Variants in MAMLD1 observed in about 807,000 individuals in gnomAD.
MAMLD1 encodes mastermind like domain containing 1.
Under a neutral mutation model 45.0 loss-of-function variants are expected in MAMLD1, and 14 were observed. The observed-to-expected ratio is 0.31, with a 90% CI of 0.21 to 0.49. The LOEUF is 0.49. Ranked by LOEUF, MAMLD1 falls within the 20% of genes least tolerant of loss-of-function variation. The probability of loss-of-function intolerance (pLI) is 0.99; values close to 1 mark genes in which losing one functional copy is unlikely to be tolerated. For missense variants in MAMLD1, 543 were observed against 603.6 expected, an observed-to-expected ratio of 0.90 and a Z score of 1.05; for synonymous variants, 254 against 247.8, an observed-to-expected ratio of 1.02 and a Z score of -0.24.
At chrX:150,467,314 T>C (rs782691767) in intron 3 of MAMLD1, among the ~76,000 whole-genome samples, 8 of 112,037 alleles carry the variant, frequency 7.1e-5, no homozygotes, top group Non-Finnish European at 1.3e-4. Context: ...GGGTAATTTA[T>C]GTTCCTTTGT....
Position 150,412,670 on chromosome X carries a change from G to A in MAMLD1, c.-63-32784G>A, listed in dbSNP as rs188943828. Among the ~76,000 whole-genome samples, 541 of 109,507 alleles carry A rather than the reference G, an allele frequency of 4.9e-3. 2 individuals carry two copies. Among genetic ancestry groups the A allele is most frequent in the African/African-American group, 0.017 (519 of 30,004 alleles). On this transcript the variant is annotated intron_variant, in intron 1 of 7. Transcript: ENST00000370401. ...TTTATTTCCTCGCCCTCTCTTCCCC[G>A]CCCCATCCATAAACAGCCTTACGAG...
chrX:150,503,422 C>T lies in MAMLD1; in HGVS notation c.2189C>T (p.Ser730Leu), dbSNP rs2037625201. 5 of 1,212,138 alleles carry T rather than the reference C, an allele frequency of 4.1e-6. No homozygotes were observed. Among genetic ancestry groups the T allele is most frequent in the South Asian group, 1.8e-5 (1 of 57,026 alleles). ...FAHELARVTS[S>L]YSTSEAAPWG... ...CATGAGCTGGCCCGAGTCACCTCCT[C>T]GTACAGCACCTCAGAGGCAGCGCCC... Residue 730 changes from serine to leucine, a missense_variant, in exon 6 of 8, where the codon TCG (serine) becomes TTG (leucine). Ser to Leu is a moderately radical substitution (Grantham distance 145, BLOSUM62 -2). Transcript: ENST00000370401.
rs782546425 is a variant in MAMLD1, at chrX:150,405,657, G to A, written c.-63-39797G>A. On this transcript the variant is annotated intron_variant, in intron 1 of 7. Coordinates refer to ENST00000370401, the MANE Select transcript of MAMLD1 (RefSeq NM_005491.5). ...GGTTGTGATGTTATATGTTTTCCAC[G>A]CTTTGAGCACTTACTGTTTTTTACA... Among the ~76,000 whole-genome samples the A allele has an allele frequency of 2.3e-4, 26 of 111,797 alleles. No individual in the cohort carries two copies. The Admixed American group carries it at 2.4e-3, about 10-fold the overall frequency.
chrX:150,370,341 C>T (rs1345969948), intron 1 of MAMLD1, among the ~76,000 whole-genome samples: 5 of 111,738 alleles, frequency 4.5e-5, no homozygotes, highest in East Asian at 5.6e-4. Flanking sequence ...TTCAGTACTT[C>T]GAGGAGGAAA....
Position 150,462,852 on chromosome X carries a change from C to T in MAMLD1, c.171+6C>T, listed in dbSNP as rs2036091816. 8.4e-7 allele frequency: 1 copy of T among 1,191,322 alleles called. No homozygotes were observed. Among genetic ancestry groups the T allele is most frequent in the East Asian group, 3.0e-5 (1 of 33,760 alleles). ...GCCCAGGAAGAAAGCATCAGGTAAG[C>T]ATAAGCTTACCAAAGCTGGGACCCA... On this transcript the variant is annotated splice_donor_region_variant and intron_variant, in intron 3 of 7. Transcript: ENST00000370401.
chrX:150,386,297 T>C (rs1270643723), intron 1 of MAMLD1, among the ~76,000 whole-genome samples: 1 of 111,694 alleles, frequency 9.0e-6, no homozygotes, highest in Non-Finnish European at 1.9e-5. Context: ...TTCCAGACTT[T>C]CATGATGTTC....
At chrX:150,378,876 A>G (rs1159052151) in intron 1 of MAMLD1, among the ~76,000 whole-genome samples, 1 of 111,141 alleles carries the variant, frequency 9.0e-6, no homozygotes, top group Non-Finnish European at 1.9e-5. Flanking sequence ...CATCTGCTCC[A>G]GGCTCATCTT....
chrX:150,504,318 A>G, intron 6 of MAMLD1: 1 of 750,685 alleles, frequency 1.3e-6, no homozygotes, highest in Non-Finnish European at 1.6e-6. Flanking sequence ...AGAAAACTGG[A>G]GACATGAACA....
intron 1 of MAMLD1, among the ~76,000 whole-genome samples, chrX:150,393,104 A>G (rs1286759930): frequency 8.9e-6 from 1 of 111,787 alleles, no homozygotes; most frequent in African/African-American, 3.3e-5. Context: ...TGCTCTGCCT[A>G]TTTATCCCTC....
chrX:150,407,751 G>A (rs1355185412), intron 1 of MAMLD1, among the ~76,000 whole-genome samples: 3 of 112,324 alleles, frequency 2.7e-5, no homozygotes, highest in Non-Finnish European at 5.6e-5. Flanking sequence ...TTTCTCCTCT[G>A]TGAAATGGGG....
At chrX:150,488,333 A>C (rs1342358088) in intron 5 of MAMLD1, among the ~76,000 whole-genome samples, 1 of 112,389 alleles carries the variant, frequency 8.9e-6, no homozygotes, top group African/African-American at 3.2e-5. Context: ...TCAACACCAC[A>C]TTTTTCCCCT....
chrX:150,409,257 G>A (rs2034067787), intron 1 of MAMLD1, among the ~76,000 whole-genome samples: 1 of 111,943 alleles, frequency 8.9e-6, no homozygotes, highest in South Asian at 3.8e-4. Context: ...TTGCTGGGTA[G>A]TCAGCATCAT....
In MAMLD1 at chrX:150,506,098, AG is replaced by A. The variant is rs782399654; in HGVS notation, c.2284+2583del. Reference sequence around the variant, plus strand: ...TCTGGCTTCCAAACAGTACAAAAGAAGGTTTTTTTCCTTGTGGAATACACTA... The same window carrying A: ...TCTGGCTTCCAAACAGTACAAAAGAAGTTTTTTTCCTTGTGGAATACACTA... On this transcript the variant is annotated intron_variant, in intron 6 of 7. Transcript: ENST00000370401. Among the ~76,000 whole-genome samples, 5 of 111,953 alleles carry A rather than the reference AG, an allele frequency of 4.5e-5. No individual in the cohort carries two copies. The South Asian group carries it at 1.9e-3, about 43-fold the overall frequency.
intron 5 of MAMLD1, among the ~76,000 whole-genome samples, chrX:150,497,283 C>CTTTTTT (rs782269885): frequency 8.2e-5 from 7 of 85,243 alleles, no homozygotes; most frequent in East Asian, 3.5e-4. Flanking sequence ...TCTTTTTTTT[C>CTTTTTT]TTTTTTTTTT....
intron 6 of MAMLD1, among the ~76,000 whole-genome samples, chrX:150,507,937 G>A (rs371281697): frequency 1.7e-4 from 19 of 112,458 alleles, no homozygotes; most frequent in South Asian, 7.3e-4. Context: ...TGCAGCAACC[G>A]GTGGGGATGG....
At chrX:150,361,704 G>A (rs1018911692), upstream of MAMLD1, 5 of 112,942 alleles carry the variant, frequency 4.4e-5, no homozygotes, top group African/African-American at 1.6e-4. Context: ...GTCCAGGTTA[G>A]GAAACGCATC....
chrX:150,457,083 C>A (rs890135406), intron 2 of MAMLD1, among the ~76,000 whole-genome samples: 34 of 112,744 alleles, frequency 3.0e-4, no homozygotes, highest in African/African-American at 9.7e-4. Flanking sequence ...TGGGAAAGGG[C>A]ACTTGGCCTT....
chrX:150,440,652 C>T (rs947492166), intron 1 of MAMLD1, among the ~76,000 whole-genome samples: 1 of 108,666 alleles, frequency 9.2e-6, no homozygotes, highest in Non-Finnish European at 1.9e-5. Flanking sequence ...TAGTAGTAGT[C>T]CCTTATTATC....
intron 5 of MAMLD1, among the ~76,000 whole-genome samples, chrX:150,475,104 A>G (rs189811913): frequency 6.7e-4 from 75 of 111,800 alleles, no homozygotes; most frequent in African/African-American, 2.1e-3. Context: ...AACACTAATT[A>G]CCTATGATAT....
Sources: allele counts gnomAD v4.1 joint callset (sites outside exome capture counted in the v4.1 genomes callset), GRCh38; gene constraint gnomAD v4.1.1; transcripts MANE v1.5; gene names NCBI Gene and HGNC (gene_info 2026-07-23, HGNC 2026-07-21).